The following HMG20A variants were observed in gnomAD, a reference collection of about 807,000 sequenced individuals.
HMG20A encodes high mobility group protein 20A.
HMG20A carries 17 observed loss-of-function variants against 43.9 expected under a neutral mutation model. That is an observed-to-expected ratio of 0.39 (90% CI 0.27 to 0.58). The LOEUF (loss-of-function observed/expected upper bound fraction) is 0.58, where lower values mean the gene tolerates loss of function less well. HMG20A is among the 20% of genes least tolerant of loss of function. The pLI is 0.59. For synonymous variants in HMG20A, 132 were observed against 147.5 expected (o/e 0.89, Z 0.76); for missense variants, 341 against 438.2 (o/e 0.78, Z 1.98).
the HMG20A span, among the ~76,000 whole-genome samples, chr15:77,492,186 T>G: frequency 6.6e-6 from 1 of 152,248 alleles, no homozygotes; most frequent in Non-Finnish European, 1.5e-5. Flanking sequence ...CCTGTGCTTC[T>G]TGATAAAGCA....
the HMG20A span, among the ~76,000 whole-genome samples, chr15:77,517,330 C>T: frequency 6.6e-6 from 1 of 152,090 alleles, no homozygotes; most frequent in Non-Finnish European, 1.5e-5. Flanking sequence ...GTTCCCAGTG[C>T]CCAGCACAGA....
chr15:77,442,378 A>G (rs2073622163), intron 1 of HMG20A, among the ~76,000 whole-genome samples: 1 of 152,230 alleles, frequency 6.6e-6, no homozygotes, highest in African/African-American at 2.4e-5. Flanking sequence ...GTTATCTGTC[A>G]AGAAAATGAA....
intron 3 of HMG20A, 75 bp from the exon 4 acceptor site, chr15:77,467,004 GTTTGTTGTTGTTTGTT>G (rs1294230422): frequency 4.7e-6 from 5 of 1,055,108 alleles, no homozygotes; most frequent in Admixed American, 4.7e-5. Flanking sequence ...ATCCTGTTTT[GTTTGTTGTTGTTTGTT>G]TTTGTTGTTG....
the HMG20A span, among the ~76,000 whole-genome samples, chr15:77,514,936 A>G: frequency 1.3e-5 from 2 of 152,144 alleles, no homozygotes; most frequent in African/African-American, 4.8e-5. Flanking sequence ...TTGATGATAA[A>G]TCGTAGGTGG....
intron 3 of HMG20A, among the ~76,000 whole-genome samples, chr15:77,465,089 G>A (rs543649273): frequency 2.6e-4 from 39 of 151,526 alleles, no homozygotes; most frequent in Admixed American, 2.6e-4. Flanking sequence ...GTGAAACCCC[G>A]TCTCTACTAA....
chr15:77,515,615 A>T, the HMG20A span, among the ~76,000 whole-genome samples: 1 of 152,116 alleles, frequency 6.6e-6, no homozygotes. Context: ...AAAAAAATAT[A>T]TTTTTTAAAT....
chr15:77,486,790 A>C (rs1445547269), downstream of HMG20A, among the ~76,000 whole-genome samples: 1 of 152,212 alleles, frequency 6.6e-6, no homozygotes, highest in Non-Finnish European at 1.5e-5. Flanking sequence ...TAAGAAGGAT[A>C]GAGTAAGGTA....
At chr15:77,430,834 A>T (rs1194923663) in intron 1 of HMG20A, among the ~76,000 whole-genome samples, 1 of 152,238 alleles carries the variant, frequency 6.6e-6, no homozygotes, top group Non-Finnish European at 1.5e-5. Context: ...CAACAATATG[A>T]AACTATTACA....
chr15:77,499,807 T>C, the HMG20A span, among the ~76,000 whole-genome samples: 1 of 151,930 alleles, frequency 6.6e-6, no homozygotes, highest in Non-Finnish European at 1.5e-5. Context: ...AAATGCAAGA[T>C]TAGTCTTGCA....
At chr15:77,425,977 A>G (rs74562002) in intron 1 of HMG20A, among the ~76,000 whole-genome samples, 3,455 of 152,362 alleles carry the variant, frequency 0.023, 111 homozygotes, top group African/African-American at 0.072. Context: ...TGTAACATGG[A>G]TAAAACTTGA....
Position 77,468,979 on chromosome 15 carries a change from C to A in HMG20A, c.450+1672C>A, listed in dbSNP as rs79128165. ...ATTGATATTTTTTTAAAATACAGTTCCCTTCTGCTTCCCCCGCTGCTTTTA... is the reference window on the plus strand; with the variant it reads ...ATTGATATTTTTTTAAAATACAGTTACCTTCTGCTTCCCCCGCTGCTTTTA... On this transcript the variant is annotated intron_variant, in intron 4 of 9. Coordinates refer to ENST00000336216, the MANE Select transcript of HMG20A (RefSeq NM_001304504.2). Among the ~76,000 whole-genome samples the A allele has an allele frequency of 8.3e-3, 1,265 of 151,904 alleles. 35 individuals carry two copies. The highest frequency in any genetic ancestry group is 0.077 in the East Asian group (394 of 5,146).
chr15:77,452,828 A>G (rs1300111712), intron 1 of HMG20A, among the ~76,000 whole-genome samples: 1 of 152,270 alleles, frequency 6.6e-6, no homozygotes, highest in Non-Finnish European at 1.5e-5. Context: ...AGAATGGGAG[A>G]AAAACATTTG....
intron 1 of HMG20A, among the ~76,000 whole-genome samples, chr15:77,430,753 G>A (rs985606431): frequency 2.6e-5 from 4 of 152,168 alleles, no homozygotes; most frequent in African/African-American, 9.7e-5. Context: ...TGTTTGCTAG[G>A]CAGAGTCTAG....
At chr15:77,447,389 A>G (rs572368715) in intron 1 of HMG20A, among the ~76,000 whole-genome samples, 22 of 152,152 alleles carry the variant, frequency 1.4e-4, no homozygotes, top group Non-Finnish European at 2.5e-4. Flanking sequence ...TACTATTCTT[A>G]GATGTTTTGG....
the HMG20A span, among the ~76,000 whole-genome samples, chr15:77,516,915 C>T: frequency 6.6e-6 from 1 of 152,206 alleles, no homozygotes; most frequent in Non-Finnish European, 1.5e-5. Flanking sequence ...GCTGCAGGAC[C>T]AGCAGGGTGG....
the HMG20A span, among the ~76,000 whole-genome samples, chr15:77,496,396 A>G: frequency 6.6e-6 from 1 of 152,202 alleles, no homozygotes; most frequent in South Asian, 2.1e-4. Flanking sequence ...GCAGCCTCAG[A>G]ACAGCAACCA....
intron 1 of HMG20A, among the ~76,000 whole-genome samples, chr15:77,442,501 T>C (rs1292396099): frequency 1.3e-5 from 2 of 152,210 alleles, no homozygotes; most frequent in Non-Finnish European, 2.9e-5. Context: ...TTAAAATAAA[T>C]ACTGCTTTAT....
chr15:77,446,221 A>G (rs548896373), intron 1 of HMG20A, among the ~76,000 whole-genome samples: 1 of 152,222 alleles, frequency 6.6e-6, no homozygotes, highest in African/African-American at 2.4e-5. Context: ...AACCCATTCA[A>G]TTCTTCTTTC....
chr15:77,482,869 A>G (rs1012753989), intron 9 of HMG20A, 101 bp from the exon 10 acceptor site: 5 of 152,180 alleles, frequency 3.3e-5, no homozygotes, highest in African/African-American at 1.2e-4. Context: ...GCATTTTTAA[A>G]ATCCATAGCG....
Sources: allele counts gnomAD v4.1 joint callset (sites outside exome capture counted in the v4.1 genomes callset), GRCh38; gene constraint gnomAD v4.1.1; transcripts MANE v1.5; gene names NCBI Gene and HGNC (gene_info 2026-07-23, HGNC 2026-07-21).